Variants in ITPRID1 observed in about 807,000 individuals in gnomAD.
The protein encoded by ITPRID1 is protein ITPRID1.
Under a neutral mutation model 95.4 loss-of-function variants are expected in ITPRID1, and 96 were observed. The ratio of observed to expected loss-of-function variants is 1.01; its 90% CI spans 0.85 to 1.19. ITPRID1 has a LOEUF of 1.19. Ranked by LOEUF, ITPRID1 falls within the 50% of genes most tolerant of loss-of-function variation. ITPRID1 has a pLI of 0.00. For synonymous variants in ITPRID1, 510 were observed against 453.6 expected (o/e 1.12, Z -1.58); for missense variants, 1,339 against 1,252.9 (o/e 1.07, Z -1.04).
chr7:31,608,920 T>C (rs1786742322), intron 10 of ITPRID1, among the ~76,000 whole-genome samples: 1 of 151,504 alleles, frequency 6.6e-6, no homozygotes, highest in African/African-American at 2.4e-5. Context: ...TGGGGAAAAA[T>C]TTTAGTATTT....
chr7:31,542,740 T>A (rs1783972687), intron 1 of ITPRID1, among the ~76,000 whole-genome samples: 1 of 152,176 alleles, frequency 6.6e-6, no homozygotes, highest in African/African-American at 2.4e-5. Flanking sequence ...GTAGCCTCTA[T>A]GCCAAATTTT....
intron 10 of ITPRID1, among the ~76,000 whole-genome samples, chr7:31,615,995 A>G (rs1787180008): frequency 6.6e-6 from 1 of 151,994 alleles, no homozygotes; most frequent in African/African-American, 2.4e-5. Context: ...TGCCCGCCTC[A>G]GCCTCCCAAA....
At chr7:31,645,312 T>G (rs879372324) in intron 12 of ITPRID1, among the ~76,000 whole-genome samples, 1 of 152,218 alleles carries the variant, frequency 6.6e-6, no homozygotes, top group Admixed American at 6.5e-5. Flanking sequence ...ATAAATGTGA[T>G]GTAAAGAGAG....
At chr7:31,521,751 C>G (rs571224655) in intron 1 of ITPRID1, among the ~76,000 whole-genome samples, 1 of 143,718 alleles carries the variant, frequency 7.0e-6, no homozygotes, top group Non-Finnish European at 1.5e-5. Context: ...CACAGGGCCT[C>G]GTTCTCTCAC....
At chr7:31,648,988 A>C (rs541785617) in intron 12 of ITPRID1, among the ~76,000 whole-genome samples, 16 of 152,388 alleles carry the variant, frequency 1.0e-4, no homozygotes, top group Admixed American at 2.0e-4. Context: ...TTCTGGTCTT[A>C]AGAGCCATAA....
At chr7:31,599,585 TTTTCTTTCTTTCTTTCTTTCTTTC>T (rs527461356) in intron 10 of ITPRID1, among the ~76,000 whole-genome samples, 1,422 of 112,876 alleles carry the variant, frequency 0.013, 67 homozygotes, top group Non-Finnish European at 0.014. Flanking sequence ...TGTTGTGTTA[TTTTCTTTCTTTCTTTCTTTCTTTC>T]TTTCTTTCTT....
chr7:31,589,627 T>G (rs1785777068), intron 10 of ITPRID1, among the ~76,000 whole-genome samples: 1 of 152,070 alleles, frequency 6.6e-6, no homozygotes, highest in African/African-American at 2.4e-5. Flanking sequence ...TACAGGGGAA[T>G]AAAGATTTGA....
intron 7 of ITPRID1, among the ~76,000 whole-genome samples, chr7:31,573,379 T>A (rs879660951): frequency 1.8e-4 from 27 of 150,856 alleles, no homozygotes; most frequent in Non-Finnish European, 3.1e-4. Flanking sequence ...TTTTTTTTTT[T>A]AAAAAAGAGA....
intron 10 of ITPRID1, among the ~76,000 whole-genome samples, chr7:31,598,408 T>C (rs969379847): frequency 4.9e-5 from 7 of 141,826 alleles, no homozygotes; most frequent in South Asian, 2.3e-4. Flanking sequence ...CTTTTTTTTT[T>C]TTTTTTTTTT....
Position 31,543,249 on chromosome 7 carries a change from A to G in ITPRID1, c.-97-6177A>G, listed in dbSNP as rs186012691. ...AAGGAAAACAGAGATTTTTCCCAAA[A>G]CAGGATTTGTGGTGTCTTTTCTGTT... On this transcript the variant is annotated intron_variant, in intron 1 of 14. Transcript: ENST00000615280. Among the ~76,000 whole-genome samples, 356 of 152,174 alleles carry G rather than the reference A, an allele frequency of 2.3e-3. 1 individual carries two copies. Among genetic ancestry groups the G allele is most frequent in the African/African-American group, 7.9e-3 (330 of 41,554 alleles).
chr7:31,577,312 G>A (rs1785220494), intron 8 of ITPRID1, among the ~76,000 whole-genome samples: 1 of 152,214 alleles, frequency 6.6e-6, no homozygotes, highest in Non-Finnish European at 1.5e-5. Flanking sequence ...CTAGCACTGT[G>A]TAGCTCTTAG....
intron 10 of ITPRID1, among the ~76,000 whole-genome samples, chr7:31,633,943 T>C (rs1176436258): frequency 6.6e-6 from 1 of 152,252 alleles, no homozygotes; most frequent in Non-Finnish European, 1.5e-5. Flanking sequence ...GAACTCAGAC[T>C]ATTTTAAACA....
chr7:31,652,397 G>T lies in ITPRID1; in HGVS notation c.2824-121G>T. The stretch of plus-strand genomic sequence containing the variant: ...AAGTCACTATCAGAATCTGCTGCTG[G>T]CTCAAAGAGCCCATTCTAGAGAATC... On this transcript the variant is annotated intron_variant, in intron 14 of 14. Transcript: ENST00000615280. The T allele has an allele frequency of 2.1e-6, 3 of 1,409,518 alleles. No homozygotes were observed. The South Asian group carries it at 4.5e-5, about 21-fold the overall frequency. 87.3% of individuals were successfully genotyped at this position (1,409,518 alleles called of 1,614,324 possible).
intron 10 of ITPRID1, among the ~76,000 whole-genome samples, chr7:31,604,408 T>C (rs1003811624): frequency 1.3e-5 from 2 of 152,204 alleles, no homozygotes; most frequent in African/African-American, 4.8e-5. Context: ...TCCCTTTATT[T>C]CTCTAGCAAA....
chr7:31,592,130 A>G (rs1195385739), intron 10 of ITPRID1, among the ~76,000 whole-genome samples: 1 of 152,208 alleles, frequency 6.6e-6, no homozygotes, highest in Non-Finnish European at 1.5e-5. Context: ...GCGTAAGGGC[A>G]GTATAATGTC....
intron 5 of ITPRID1, among the ~76,000 whole-genome samples, chr7:31,567,306 A>G (rs1784833253): frequency 6.6e-6 from 1 of 152,136 alleles, no homozygotes; most frequent in African/African-American, 2.4e-5. Flanking sequence ...TATGTTTTCA[A>G]CTTCTAAAGT....
At chr7:31,619,074 A>G (rs577267621) in intron 10 of ITPRID1, among the ~76,000 whole-genome samples, 1 of 152,280 alleles carries the variant, frequency 6.6e-6, no homozygotes, top group African/African-American at 2.4e-5. Context: ...TCTTCTTTCA[A>G]TTTGTAAAGC....
chr7:31,623,548 T>G (rs982367687), intron 10 of ITPRID1, among the ~76,000 whole-genome samples: 5 of 151,586 alleles, frequency 3.3e-5, no homozygotes, highest in African/African-American at 1.2e-4. Flanking sequence ...TTGACAAAAT[T>G]CAACAACCCT....
At chr7:31,620,325 CT>C (rs1787729957) in intron 10 of ITPRID1, among the ~76,000 whole-genome samples, 1 of 152,134 alleles carries the variant, frequency 6.6e-6, no homozygotes, top group Non-Finnish European at 1.5e-5. Flanking sequence ...TCCCTGACCC[CT>C]GACCCCTGAG....
Sources: gnomAD v4.1 joint callset for allele counts (sites outside exome capture counted in the v4.1 genomes callset) on GRCh38, gnomAD v4.1.1 for gene constraint, MANE v1.5 for transcripts, NCBI Gene and HGNC (gene_info 2026-07-23, HGNC 2026-07-21) for gene names.